The following ARMC9 variants were observed in gnomAD, a reference collection of about 807,000 sequenced individuals.
ARMC9 encodes armadillo repeat containing 9.
Under a neutral mutation model 107.0 loss-of-function variants are expected in ARMC9, and 94 were observed. The ratio of observed to expected loss-of-function variants is 0.88; its 90% CI spans 0.74 to 1.04. ARMC9 has a LOEUF of 1.04. Ranked by LOEUF, ARMC9 falls within the 50% of genes least tolerant of loss-of-function variation. The pLI is 0.00. For synonymous variants in ARMC9, 380 were observed against 396.9 expected (o/e 0.96, Z 0.51); for missense variants, 942 against 1,030.1 (o/e 0.91, Z 1.17).
intron 7 of ARMC9, among the ~76,000 whole-genome samples, chr2:231,227,547 C>T (rs1046430603): frequency 6.6e-6 from 1 of 152,218 alleles, no homozygotes; most frequent in African/African-American, 2.4e-5. Flanking sequence ...AGCACATTTG[C>T]CCTTTCAAAG....
At chr2:231,332,877 T>C (rs1435273332) in intron 20 of ARMC9, among the ~76,000 whole-genome samples, 1 of 152,120 alleles carries the variant, frequency 6.6e-6, no homozygotes, top group African/African-American at 2.4e-5. Flanking sequence ...CAGTCAGTTG[T>C]TTGGACCCCA....
intron 1 of ARMC9, among the ~76,000 whole-genome samples, chr2:231,204,511 A>G (rs1004679918): frequency 2.4e-4 from 36 of 152,144 alleles, no homozygotes; most frequent in African/African-American, 8.7e-4. Flanking sequence ...CGTCTCCTTC[A>G]GGTTCTGTCC....
intron 12 of ARMC9, chr2:231,270,754 G>T: frequency 1.5e-6 from 1 of 657,110 alleles, no homozygotes. Context: ...TGAGGGCTTC[G>T]TGTAATTAAT....
At chr2:231,355,759 C>T (rs1199220802) in intron 21 of ARMC9, 39 bp from the exon 22 acceptor site, 7 of 1,508,156 alleles carry the variant, frequency 4.6e-6, no homozygotes, top group Non-Finnish European at 6.2e-6. Flanking sequence ...AATCTCCTGG[C>T]TGGCTGTACT....
intron 16 of ARMC9, among the ~76,000 whole-genome samples, 164 bp downstream of exon 16, chr2:231,278,622 A>G (rs1481517666): frequency 6.6e-6 from 1 of 152,178 alleles, no homozygotes; most frequent in African/African-American, 2.4e-5. Context: ...GAAATCTTTT[A>G]TAATTTTTAG....
rs767394707 is a variant in ARMC9, at chr2:231,360,834, C to T, written c.2212C>T (p.Arg738Cys). 5 of 1,535,810 alleles carry T rather than the reference C, an allele frequency of 3.3e-6. No homozygotes were observed. Among genetic ancestry groups the T allele is most frequent in the South Asian group, 2.4e-5 (2 of 84,034 alleles). ...TCGCCCAGCCCCCACGGGGACCCCCCGCCAGCCAAGGGAGGCGCCCCAGGA... is the reference window on the plus strand; with the variant it reads ...TCGCCCAGCCCCCACGGGGACCCCCTGCCAGCCAAGGGAGGCGCCCCAGGA... ...EPRPAPTGTPRQPREAPQDPG... is the reference protein window; with the variant it reads ...EPRPAPTGTPCQPREAPQDPG... Residue 738 changes from arginine to cysteine, a missense_variant, in exon 23 of 25, where the codon CGC becomes TGC. Physicochemically the swap from Arg to Cys is radical, Grantham distance 180. Coordinates refer to ENST00000611582, the MANE Select transcript of ARMC9 (RefSeq NM_001352754.2). This position sits in a 1 kb window ranked among gnomAD's most constrained non-coding sequence, Gnocchi z 4.7.
chr2:231,328,685 A>T (rs913611547), intron 19 of ARMC9, among the ~76,000 whole-genome samples: 1 of 151,912 alleles, frequency 6.6e-6, no homozygotes, highest in Admixed American at 6.6e-5. Flanking sequence ...CCATTGATCT[A>T]TGTGTCTGTC....
chr2:231,315,888 C>T (rs2042643158), intron 19 of ARMC9, among the ~76,000 whole-genome samples: 1 of 152,090 alleles, frequency 6.6e-6, no homozygotes, highest in Admixed American at 6.6e-5. Context: ...TTTTAGTAAA[C>T]CATTTTAATA....
In ARMC9 at chr2:231,269,248, T is replaced by C. The variant is rs186414942; in HGVS notation, c.1120-1734T>C. ...CCTTTCAGTCTGACAACTTTCATTC[T>C]GGTCTTGAGTTATTTTGTTGATGGT... is the stretch of plus-strand genomic sequence containing the variant. On this transcript the variant is annotated intron_variant, in intron 12 of 24. Coordinates refer to ENST00000611582, the MANE Select transcript of ARMC9 (RefSeq NM_001352754.2). 2.6e-5 allele frequency among the ~76,000 whole-genome samples: 4 copies of C among 152,248 alleles called. No homozygotes were observed. In the East Asian group the frequency reaches 7.7e-4, roughly 29 times the overall value.
chr2:231,281,105 T>C (rs538205372), intron 16 of ARMC9, among the ~76,000 whole-genome samples: 1 of 152,154 alleles, frequency 6.6e-6, no homozygotes, highest in South Asian at 2.1e-4. Context: ...AAGTAAAACA[T>C]GGGTCCTGTC....
intron 19 of ARMC9, among the ~76,000 whole-genome samples, chr2:231,305,207 G>A (rs972676953): frequency 1.3e-5 from 2 of 152,116 alleles, no homozygotes; most frequent in African/African-American, 4.8e-5. Context: ...CATCATCCCC[G>A]TATTTATCTA....
rs1239556216 is a variant in ARMC9 at position 231,360,644 on chromosome 2, C to T, written c.2132-110C>T. 2.0e-6 allele frequency: 3 copies of T among 1,501,532 alleles called. No individual in the cohort carries two copies. Among genetic ancestry groups the T allele is most frequent in the Non-Finnish European group, 2.7e-6 (3 of 1,117,110 alleles). The allele number at this position is 1,501,532 out of a possible 1,614,324, so 93.0% of individuals were successfully genotyped here. ...CACAGGCGCCAGGGAGCCCGCAGGG[C>T]CTGGCCTGGGGTGCGTGCTTTTCTT... is the stretch of plus-strand genomic sequence containing the variant. On this transcript the variant is annotated intron_variant, in intron 22 of 24. Coordinates refer to ENST00000611582, the MANE Select transcript of ARMC9 (RefSeq NM_001352754.2). This position sits in a 1 kb window ranked among gnomAD's most constrained non-coding sequence, Gnocchi z 4.7.
intron 9 of ARMC9, among the ~76,000 whole-genome samples, chr2:231,244,921 C>T (rs1433039676): frequency 2.0e-5 from 3 of 152,236 alleles, no homozygotes; most frequent in Non-Finnish European, 4.4e-5. Flanking sequence ...TGTTAGTCAC[C>T]GCCTCTCTGG....
At chr2:231,300,303 G>C (rs908572547) in intron 19 of ARMC9, among the ~76,000 whole-genome samples, 8 of 152,230 alleles carry the variant, frequency 5.3e-5, no homozygotes, top group Non-Finnish European at 8.8e-5. Context: ...AAAGTGCTCA[G>C]ATCTAAGAGT....
At chr2:231,290,510 A>C (rs557048874) in intron 17 of ARMC9, among the ~76,000 whole-genome samples, 1 of 152,272 alleles carries the variant, frequency 6.6e-6, no homozygotes, top group South Asian at 2.1e-4. Context: ...CTGTTTTGAG[A>C]TCATTATTAG....
intron 16 of ARMC9, among the ~76,000 whole-genome samples, chr2:231,279,594 T>C (rs2125448785): frequency 6.9e-6 from 1 of 144,260 alleles, no homozygotes; most frequent in African/African-American, 2.6e-5. Flanking sequence ...CACTGCAACC[T>C]CCACCTCCCG....
chr2:231,257,234 G>C (rs925572144), intron 10 of ARMC9, among the ~76,000 whole-genome samples: 3 of 152,242 alleles, frequency 2.0e-5, no homozygotes, highest in Non-Finnish European at 4.4e-5. Flanking sequence ...GCAATCCACA[G>C]AGTGTTGCAC....
chr2:231,257,529 A>C (rs2037944953), intron 10 of ARMC9, among the ~76,000 whole-genome samples: 1 of 152,122 alleles, frequency 6.6e-6, no homozygotes, highest in African/African-American at 2.4e-5. Context: ...GCCCTGCCTG[A>C]GTCTGACCTT....
intron 19 of ARMC9, among the ~76,000 whole-genome samples, chr2:231,328,884 G>A (rs1235930787): frequency 6.8e-6 from 1 of 146,382 alleles, no homozygotes; most frequent in Non-Finnish European, 1.5e-5. Context: ...GGACAATCTC[G>A]GCTCACTGCA....
Sources: gnomAD v4.1 joint callset for allele counts (sites outside exome capture counted in the v4.1 genomes callset) on GRCh38, gnomAD v4.1.1 for gene constraint, Gnocchi (gnomAD v3.1) non-coding constraint, MANE v1.5 for transcripts, NCBI Gene and HGNC (gene_info 2026-07-23, HGNC 2026-07-21) for gene names.